The following RBPJ variants were observed in gnomAD, a reference collection of about 807,000 sequenced individuals.
RBPJ encodes the protein recombination signal binding protein for immunoglobulin kappa J region, also known as recombining binding protein suppressor of hairless.
A neutral mutation model predicts 67.8 loss-of-function variants in RBPJ; 9 were observed. The ratio of observed to expected loss-of-function variants is 0.13; its 90% CI spans 0.08 to 0.23. The LOEUF is 0.23. RBPJ is among the 10% of genes least tolerant of loss of function. The pLI is 1.00. For synonymous variants in RBPJ, 198 were observed against 203.3 expected, an observed-to-expected ratio of 0.97 and a Z score of 0.22; for missense variants, 305 against 595.6, an observed-to-expected ratio of 0.51 and a Z score of 5.08.
At chr4:26,198,111 G>A (rs529336635) in intron 1 of RBPJ, among the ~76,000 whole-genome samples, 8 of 152,090 alleles carry the variant, frequency 5.3e-5, no homozygotes, top group African/African-American at 9.6e-5. Flanking sequence ...AAAATTAGCC[G>A]GGCGTGGTGG....
At chr4:26,219,581 A>C (rs1344928819) in intron 1 of RBPJ, among the ~76,000 whole-genome samples, 1 of 152,186 alleles carries the variant, frequency 6.6e-6, no homozygotes, top group East Asian at 1.9e-4. Flanking sequence ...TATGAATAAA[A>C]AGTGAACGTG....
intron 4 of RBPJ, among the ~76,000 whole-genome samples, chr4:26,419,575 G>A (rs189040112): frequency 2.0e-5 from 3 of 152,264 alleles, no homozygotes; most frequent in Non-Finnish European, 4.4e-5. Flanking sequence ...ATACAGGAGA[G>A]GCAGTTGAAG....
At chr4:26,286,701 T>C (rs1721478313) in intron 1 of RBPJ, among the ~76,000 whole-genome samples, 2 of 151,982 alleles carry the variant, frequency 1.3e-5, no homozygotes, top group South Asian at 4.1e-4. Context: ...ACAGCAGGTG[T>C]TCATGTCAAT....
intron 1 of RBPJ, among the ~76,000 whole-genome samples, chr4:26,340,909 C>T (rs553123857): frequency 2.6e-5 from 4 of 151,676 alleles, no homozygotes; most frequent in Admixed American, 2.6e-4. Context: ...ATGTGAAAGC[C>T]TTGAAATAAG....
At chr4:26,145,096 C>T in the RBPJ span, among the ~76,000 whole-genome samples, 1 of 148,918 alleles carries the variant, frequency 6.7e-6, no homozygotes, top group Non-Finnish European at 1.5e-5. Context: ...TTCATTTCAT[C>T]TTCCTGGTTT....
At chr4:26,337,604 G>A (rs1320794962) in intron 1 of RBPJ, among the ~76,000 whole-genome samples, 2 of 150,526 alleles carry the variant, frequency 1.3e-5, no homozygotes, top group Non-Finnish European at 1.5e-5. Flanking sequence ...ATACCTTTAA[G>A]TGGAATCACT....
At chr4:26,278,379 T>C (rs1248994358) in intron 1 of RBPJ, among the ~76,000 whole-genome samples, 3 of 152,212 alleles carry the variant, frequency 2.0e-5, no homozygotes, top group Admixed American at 6.5e-5. Context: ...CAATCTGGAA[T>C]GTTGCAATGA....
chr4:26,197,931 A>G (rs931218999), intron 1 of RBPJ, among the ~76,000 whole-genome samples: 1 of 152,098 alleles, frequency 6.6e-6, no homozygotes, highest in African/African-American at 2.4e-5. Flanking sequence ...CACTTTCCAT[A>G]TATTACTTTG....
At chr4:26,415,431 T>G in intron 3 of RBPJ, 44 bp from the exon 4 acceptor site, 1 of 1,429,726 alleles carries the variant, frequency 7.0e-7, no homozygotes, top group East Asian at 2.3e-5. Context: ...TGAATCTAAT[T>G]GATTTTTGCT....
intron 1 of RBPJ, among the ~76,000 whole-genome samples, chr4:26,358,842 C>T (rs182315760): frequency 5.8e-4 from 88 of 152,122 alleles, no homozygotes; most frequent in Admixed American, 5.0e-3. Context: ...TTCACTGCTG[C>T]CCATTATCCC....
At chr4:26,170,564 A>T (rs1716541440) in intron 1 of RBPJ, among the ~76,000 whole-genome samples, 1 of 151,444 alleles carries the variant, frequency 6.6e-6, no homozygotes, top group Non-Finnish European at 1.5e-5. Flanking sequence ...AAAGGAATGG[A>T]AAGAAAATCC....
intron 1 of RBPJ, among the ~76,000 whole-genome samples, chr4:26,269,696 A>G (rs1031033613): frequency 1.3e-5 from 2 of 152,168 alleles, no homozygotes; most frequent in Non-Finnish European, 2.9e-5. Flanking sequence ...TTTAAGCTTT[A>G]GTGGAAGCTC....
At chr4:26,226,392 T>C (rs1286048400) in intron 1 of RBPJ, among the ~76,000 whole-genome samples, 1 of 152,134 alleles carries the variant, frequency 6.6e-6, no homozygotes, top group South Asian at 2.1e-4. Context: ...AGAGGATTGC[T>C]TGAGCCCAGG....
At chr4:26,301,296 T>TA (rs1440985321) in intron 1 of RBPJ, among the ~76,000 whole-genome samples, 2 of 151,904 alleles carry the variant, frequency 1.3e-5, no homozygotes, top group South Asian at 2.1e-4. Context: ...TGGGTCCAAA[T>TA]AAAAAAACAG....
chr4:26,364,580 C>G (rs1728405375), intron 1 of RBPJ, among the ~76,000 whole-genome samples: 2 of 144,554 alleles, frequency 1.4e-5, no homozygotes, highest in East Asian at 4.0e-4. Context: ...ATTGGGAAGT[C>G]CTGTTCTATT....
chr4:26,109,103 CTTTTTT>C, the RBPJ span, among the ~76,000 whole-genome samples: 45,498 of 129,654 alleles, frequency 0.35, 8,366 homozygotes, highest in African/African-American at 0.52. Flanking sequence ...TTGCCTTCCT[CTTTTTT>C]TTTTTTTTTT....
the RBPJ span, among the ~76,000 whole-genome samples, chr4:26,145,897 G>T: frequency 6.6e-6 from 1 of 152,138 alleles, no homozygotes; most frequent in African/African-American, 2.4e-5. Context: ...ACAGACTTGA[G>T]AGTCTAGAAA....
At chr4:26,182,745 C>T (rs1370251067) in intron 1 of RBPJ, among the ~76,000 whole-genome samples, 1 of 152,052 alleles carries the variant, frequency 6.6e-6, no homozygotes, top group Non-Finnish European at 1.5e-5. Flanking sequence ...ACGATCCTCC[C>T]ACCTCAGCCT....
At chr4:26,242,222 C>T (rs867689515) in intron 1 of RBPJ, among the ~76,000 whole-genome samples, 42 of 151,998 alleles carry the variant, frequency 2.8e-4, no homozygotes, top group African/African-American at 9.6e-4. Flanking sequence ...CCGAGGCGGG[C>T]GGATCACGAG....
Sources: allele counts gnomAD v4.1 joint callset (sites outside exome capture counted in the v4.1 genomes callset), GRCh38; gene constraint gnomAD v4.1.1; transcripts MANE v1.5; gene names NCBI Gene and HGNC (gene_info 2026-07-23, HGNC 2026-07-21).